GAB1: variants seen among roughly 807,000 people sequenced by gnomAD.
GAB1 encodes GRB2-associated-binding protein 1.
A neutral mutation model predicts 66.5 loss-of-function variants in GAB1; 19 were observed. That is an observed-to-expected ratio of 0.29 (90% CI 0.20 to 0.42). GAB1 has a LOEUF of 0.42. Among genes scored for constraint, GAB1 ranks in the 10% least tolerant of loss-of-function variants. GAB1 has a pLI of 1.00. For missense variants in GAB1, 732 were observed against 858.5 expected (o/e 0.85, Z 1.84); for synonymous variants, 294 against 301.4 (o/e 0.98, Z 0.25).
At chr4:143,354,313 GTTAT>G (rs1729355595) in intron 1 of GAB1, among the ~76,000 whole-genome samples, 1 of 149,908 alleles carries the variant, frequency 6.7e-6, no homozygotes, top group African/African-American at 2.5e-5. Context: ...TTTCTTCCTT[GTTAT>G]TTATTCTAAC....
chr4:143,371,897 C>T (rs1284037041), intron 1 of GAB1, among the ~76,000 whole-genome samples: 3 of 152,206 alleles, frequency 2.0e-5, no homozygotes, highest in Non-Finnish European at 4.4e-5. Context: ...CTGTACAGAA[C>T]TCGTTTTTAT....
chr4:143,391,930 T>TTA (rs1282423447), intron 1 of GAB1, among the ~76,000 whole-genome samples: 2 of 152,226 alleles, frequency 1.3e-5, no homozygotes, highest in Non-Finnish European at 2.9e-5. Context: ...CCTCCTTACG[T>TTA]TACTTTATTC....
At chr4:143,410,439 G>C (rs764111002) in intron 1 of GAB1, among the ~76,000 whole-genome samples, 1 of 152,202 alleles carries the variant, frequency 6.6e-6, no homozygotes, top group African/African-American at 2.4e-5. Context: ...ATGGCTTGGG[G>C]TTAATCCAGG....
rs1736114775 is a variant in GAB1, at chr4:143,472,296, ATTT to A, written c.*3108_*3110del. 6.6e-6 allele frequency: 1 copy of A among 152,150 alleles called. No homozygotes were observed. The highest frequency in any genetic ancestry group is 6.5e-5 in the Admixed American group (1 of 15,270). The allele number at this position is 152,150 out of a possible 1,614,324, so 9.4% of individuals were successfully genotyped here. ...TATGTGTGTGTATATATAGCATTGT[ATTT>A]AATCATAGACTAAATTTAATTTGAT... is the stretch of plus-strand genomic sequence containing the variant. On this transcript the variant is annotated 3_prime_UTR_variant, in exon 10 of 10. Coordinates refer to ENST00000262994, the MANE Select transcript of GAB1 (RefSeq NM_002039.4).
chr4:143,366,813 T>A (rs947021350), intron 1 of GAB1, among the ~76,000 whole-genome samples: 4 of 152,148 alleles, frequency 2.6e-5, no homozygotes, highest in Admixed American at 2.6e-4. Context: ...AAAAAATTGA[T>A]TTTCAATTCA....
At chr4:143,358,542 T>TA (rs1241260220) in intron 1 of GAB1, among the ~76,000 whole-genome samples, 26 of 152,216 alleles carry the variant, frequency 1.7e-4, no homozygotes, top group African/African-American at 6.0e-4. Flanking sequence ...GTGGTGAATA[T>TA]AAAATCTGTT....
intron 6 of GAB1, among the ~76,000 whole-genome samples, chr4:143,456,920 T>C (rs1735222620): frequency 6.6e-6 from 1 of 152,238 alleles, no homozygotes; most frequent in African/African-American, 2.4e-5. Context: ...TGCTTTTATG[T>C]GGCAGACATT....
chr4:143,337,176 A>G lies in GAB1; in HGVS notation c.-13A>G. The G allele has an allele frequency of 6.4e-7, 1 of 1,569,380 alleles. No homozygotes were observed. The highest frequency in any genetic ancestry group is 1.2e-5 in the South Asian group (1 of 85,542). On this transcript the variant is annotated 5_prime_UTR_variant, in exon 1 of 10. Transcript: ENST00000262994. ...CCTCAGCTGCCCGGCCCGGAGCCCG[A>G]GACGCGCGCACCATGAGCGGTGGTG...
chr4:143,457,315 A>T (rs892622682), intron 6 of GAB1, among the ~76,000 whole-genome samples: 2 of 152,178 alleles, frequency 1.3e-5, no homozygotes, highest in Non-Finnish European at 2.9e-5. Context: ...CAAATTTTTT[A>T]TTTGATCCAG....
intron 3 of GAB1, among the ~76,000 whole-genome samples, chr4:143,436,922 G>A (rs1733969325): frequency 6.6e-6 from 1 of 152,188 alleles, no homozygotes; most frequent in Non-Finnish European, 1.5e-5. Flanking sequence ...TAAAAGGTTA[G>A]AGGACTGAAC....
chr4:143,352,063 T>G (rs189850466), intron 1 of GAB1, among the ~76,000 whole-genome samples: 2 of 152,350 alleles, frequency 1.3e-5, no homozygotes, highest in Admixed American at 1.3e-4. Context: ...AGGCAAATTC[T>G]CTCTCCAAGG....
rs973701185 is a variant in GAB1 at position 143,474,082 on chromosome 4, G to A, written c.*4893G>A. ...TGTTATTGAATATTTAAAAAGCTGG[G>A]TCTGTAATGGGAGGCATTTTATTAG... On this transcript the variant is annotated 3_prime_UTR_variant, in exon 10 of 10. Coordinates refer to ENST00000262994, the MANE Select transcript of GAB1 (RefSeq NM_002039.4). The A allele has an allele frequency of 6.6e-6, 1 of 152,150 alleles. No individual in the cohort carries two copies. Among genetic ancestry groups the A allele is most frequent in the African/African-American group, 2.4e-5 (1 of 41,426 alleles). The allele number at this position is 152,150 out of a possible 1,614,324, so 9.4% of individuals were successfully genotyped here.
intron 1 of GAB1, among the ~76,000 whole-genome samples, chr4:143,352,616 T>C (rs1278786077): frequency 6.6e-6 from 1 of 152,218 alleles, no homozygotes; most frequent in Non-Finnish European, 1.5e-5. Flanking sequence ...ACCCTCCTTC[T>C]AATGTTTTTA....
chr4:143,346,033 T>C (rs1302252440), intron 1 of GAB1, among the ~76,000 whole-genome samples: 1 of 152,188 alleles, frequency 6.6e-6, no homozygotes, highest in Non-Finnish European at 1.5e-5. Context: ...GTTGTAACAT[T>C]TTATTTGCTA....
intron 1 of GAB1, among the ~76,000 whole-genome samples, chr4:143,388,453 C>T (rs946071983): frequency 3.3e-5 from 5 of 152,158 alleles, no homozygotes; most frequent in Non-Finnish European, 5.9e-5. Context: ...CTCGCTCTGT[C>T]GCCCAGGCTG....
intron 1 of GAB1, chr4:143,350,207 A>T: frequency 1.6e-6 from 1 of 612,538 alleles, no homozygotes; most frequent in East Asian, 2.7e-5. Flanking sequence ...GGCCCCAAGC[A>T]CTGTGCCTTC....
chr4:143,445,524 C>G (rs1264610446), intron 6 of GAB1, among the ~76,000 whole-genome samples: 1 of 152,108 alleles, frequency 6.6e-6, no homozygotes, highest in Non-Finnish European at 1.5e-5. Flanking sequence ...CATATTTTCT[C>G]CCATTCTGTA....
At chr4:143,420,007 T>G (rs930140634) in intron 2 of GAB1, among the ~76,000 whole-genome samples, 1 of 152,160 alleles carries the variant, frequency 6.6e-6, no homozygotes, top group African/African-American at 2.4e-5. Context: ...TGTAATCATA[T>G]TCATACAGTT....
At chr4:143,360,680 G>T (rs1166645477) in intron 1 of GAB1, among the ~76,000 whole-genome samples, 1 of 152,124 alleles carries the variant, frequency 6.6e-6, no homozygotes, top group Non-Finnish European at 1.5e-5. Flanking sequence ...GATGCTTGTT[G>T]TTAATAAGAA....
Sources: allele counts gnomAD v4.1 joint callset (sites outside exome capture counted in the v4.1 genomes callset), GRCh38; gene constraint gnomAD v4.1.1; transcripts MANE v1.5; gene names NCBI Gene and HGNC (gene_info 2026-07-23, HGNC 2026-07-21).